SHISA6: variants seen among roughly 807,000 people sequenced by gnomAD.
SHISA6 encodes the protein shisa family member 6, also known as protein shisa-6.
A neutral mutation model predicts 47.9 loss-of-function variants in SHISA6; 22 were observed. That is an observed-to-expected ratio of 0.46 (90% CI 0.33 to 0.66). SHISA6 has a LOEUF of 0.66. SHISA6 is among the 30% of genes least tolerant of loss of function. The pLI is 0.02. For missense variants in SHISA6, 680 were observed against 764.6 expected, an observed-to-expected ratio of 0.89 and a Z score of 1.30; for synonymous variants, 388 against 337.8, an observed-to-expected ratio of 1.15 and a Z score of -1.63.
chr17:11,415,428 A>G (rs1331078913), intron 3 of SHISA6, among the ~76,000 whole-genome samples: 1 of 152,162 alleles, frequency 6.6e-6, no homozygotes, highest in Non-Finnish European at 1.5e-5. Context: ...TGAACCTAAA[A>G]TACAATTTAT....
chr17:11,527,649 G>T (rs1363141029), intron 3 of SHISA6, among the ~76,000 whole-genome samples: 1 of 152,064 alleles, frequency 6.6e-6, no homozygotes, highest in Non-Finnish European at 1.5e-5. Context: ...GTCAAATCTG[G>T]CCTGCTATCT....
chr17:11,306,593 C>T (rs535083010), intron 2 of SHISA6, among the ~76,000 whole-genome samples: 5 of 152,284 alleles, frequency 3.3e-5, no homozygotes, highest in African/African-American at 1.2e-4. Flanking sequence ...GGTGAGCCCG[C>T]CCTTTGGAGT....
chr17:11,314,200 C>G (rs953925999), intron 2 of SHISA6, among the ~76,000 whole-genome samples: 1 of 152,034 alleles, frequency 6.6e-6, no homozygotes, highest in African/African-American at 2.4e-5. Context: ...AAATATTTTT[C>G]CATAGTTGAT....
intron 2 of SHISA6, among the ~76,000 whole-genome samples, chr17:11,321,770 G>T (rs1910724961): frequency 6.6e-6 from 1 of 152,028 alleles, no homozygotes; most frequent in African/African-American, 2.4e-5. Flanking sequence ...TAGCAAGCTT[G>T]TCCAACCTGT....
intron 2 of SHISA6, among the ~76,000 whole-genome samples, chr17:11,281,846 C>T (rs939270673): frequency 2.6e-5 from 4 of 152,172 alleles, no homozygotes; most frequent in Non-Finnish European, 5.9e-5. Context: ...AACAACCAAG[C>T]ATGACTAAAA....
rs1222233453 is a variant in SHISA6, at chr17:11,242,049, G to A, written c.627G>A (p.Met209Ile). Residue 209 changes from methionine (M) to isoleucine (I), a missense_variant, in exon 1 of 6, where the codon ATG (methionine) becomes ATA (isoleucine). Physicochemically the swap from Met to Ile is conservative, Grantham distance 10. Transcript: ENST00000441885. ...AGGCCCACCGCCCTCCACGGGAGATGAACATCCACAGGTGAGAGCGCCGCG... is the reference window on the plus strand; with the variant it reads ...AGGCCCACCGCCCTCCACGGGAGATAAACATCCACAGGTGAGAGCGCCGCG... ...YDKAHRPPRE[M>I]NIHRALADIL... 6.4e-7 allele frequency: 1 copy of A among 1,550,480 alleles called. No homozygotes were observed. Among genetic ancestry groups the A allele is most frequent in the African/African-American group, 1.4e-5 (1 of 73,050 alleles).
intron 3 of SHISA6, among the ~76,000 whole-genome samples, chr17:11,391,991 GTGGCTTTTT>G (rs1340010979): frequency 3.3e-5 from 5 of 152,160 alleles, no homozygotes; most frequent in Non-Finnish European, 7.3e-5. Flanking sequence ...CTGAAAAGAA[GTGGCTTTTT>G]TCTAAGGTTA....
At chr17:11,285,777 A>C (rs900399959) in intron 2 of SHISA6, among the ~76,000 whole-genome samples, 1 of 151,276 alleles carries the variant, frequency 6.6e-6, no homozygotes, top group African/African-American at 2.4e-5. Flanking sequence ...CTGCAGTGAC[A>C]GTGGTTGGAA....
chr17:11,435,316 GT>G (rs1914906785), intron 3 of SHISA6, among the ~76,000 whole-genome samples: 2 of 152,200 alleles, frequency 1.3e-5, no homozygotes, highest in South Asian at 4.2e-4. Context: ...TAGCCCTGAG[GT>G]CTGAACAGGA....
At chr17:11,476,785 G>T (rs1015760686) in intron 3 of SHISA6, among the ~76,000 whole-genome samples, 1 of 151,948 alleles carries the variant, frequency 6.6e-6, no homozygotes, top group African/African-American at 2.4e-5. Context: ...TTTAATTGAT[G>T]GTGTTATTGA....
chr17:11,295,786 AC>A (rs1184870057), intron 2 of SHISA6, among the ~76,000 whole-genome samples: 1 of 151,760 alleles, frequency 6.6e-6, no homozygotes, highest in African/African-American at 2.4e-5. Context: ...ACACAGTGAA[AC>A]CCCGTCTCTA....
chr17:11,531,540 C>G (rs2071733426), intron 3 of SHISA6, among the ~76,000 whole-genome samples: 1 of 152,156 alleles, frequency 6.6e-6, no homozygotes, highest in African/African-American at 2.4e-5. Flanking sequence ...CCTGGACAGG[C>G]CACTGCACCA....
chr17:11,517,291 A>G (rs1597564019), intron 3 of SHISA6, among the ~76,000 whole-genome samples: 1 of 152,134 alleles, frequency 6.6e-6, no homozygotes, highest in East Asian at 1.9e-4. Flanking sequence ...GTTGCAAGAG[A>G]AAAGGAGCAG....
chr17:11,462,003 G>A (rs16940748), intron 3 of SHISA6, among the ~76,000 whole-genome samples: 2,998 of 152,256 alleles, frequency 0.02, 95 homozygotes, highest in African/African-American at 0.066. Context: ...ATTTTGTGTT[G>A]ATATTGGTGG....
intron 2 of SHISA6, among the ~76,000 whole-genome samples, chr17:11,276,655 C>A (rs1444659824): frequency 2.0e-5 from 3 of 151,928 alleles, no homozygotes; most frequent in Admixed American, 6.6e-5. Flanking sequence ...TCATCCTCAC[C>A]ATGACCATCA....
chr17:11,526,922 T>TAC (rs1221454425), intron 3 of SHISA6, among the ~76,000 whole-genome samples: 6 of 26,580 alleles, frequency 2.3e-4, no homozygotes, highest in Admixed American at 1.0e-3. Flanking sequence ...TATATATATA[T>TAC]ATATATATAT....
At chr17:11,268,323 C>A (rs1170890049) in intron 2 of SHISA6, among the ~76,000 whole-genome samples, 1 of 152,120 alleles carries the variant, frequency 6.6e-6, no homozygotes, top group Non-Finnish European at 1.5e-5. Flanking sequence ...GGAGGCTGCA[C>A]AGGTGGCAGA....
At chr17:11,361,017 C>A (rs1017565221) in intron 2 of SHISA6, among the ~76,000 whole-genome samples, 1 of 142,076 alleles carries the variant, frequency 7.0e-6, no homozygotes, top group Admixed American at 7.3e-5. Context: ...TATTCTCATT[C>A]CTTAAGTTTA....
intron 3 of SHISA6, among the ~76,000 whole-genome samples, chr17:11,489,920 T>C (rs1008798667): frequency 4.6e-5 from 7 of 152,122 alleles, no homozygotes; most frequent in African/African-American, 1.7e-4. Flanking sequence ...GCCCCAAATG[T>C]CAGTACTGCC....
Sources: gnomAD v4.1 joint callset for allele counts (sites outside exome capture counted in the v4.1 genomes callset) on GRCh38, gnomAD v4.1.1 for gene constraint, MANE v1.5 for transcripts, NCBI Gene and HGNC (gene_info 2026-07-23, HGNC 2026-07-21) for gene names.